MVB12B: variants seen among roughly 807,000 people sequenced by gnomAD.
The protein encoded by MVB12B is ESCRT-I complex subunit MVB12B.
Under a neutral mutation model 41.6 loss-of-function variants are expected in MVB12B, and 16 were observed. The observed-to-expected ratio is 0.38, with a 90% confidence interval of 0.26 to 0.58. MVB12B has a LOEUF of 0.58. Ranked by LOEUF, MVB12B falls within the 20% of genes least tolerant of loss-of-function variation. MVB12B has a pLI of 0.62. For synonymous variants in MVB12B, 133 were observed against 139.7 expected, an observed-to-expected ratio of 0.95 and a Z score of 0.34; for missense variants, 274 against 380.2, an observed-to-expected ratio of 0.72 and a Z score of 2.32.
chr9:126,474,355 T>G (rs1052141666), intron 7 of MVB12B, among the ~76,000 whole-genome samples: 1 of 152,240 alleles, frequency 6.6e-6, no homozygotes, highest in African/African-American at 2.4e-5. Context: ...GAAGTAAACG[T>G]GGCTCCCCAG....
At chr9:126,462,966 G>T (rs1454626939) in intron 7 of MVB12B, among the ~76,000 whole-genome samples, 1 of 152,216 alleles carries the variant, frequency 6.6e-6, no homozygotes, top group African/African-American at 2.4e-5. Context: ...CATAGACACA[G>T]CAACCAGACA....
rs564999868 is a variant in MVB12B, at chr9:126,486,595, G to C, written c.873+2563G>C. Among the ~76,000 whole-genome samples the C allele has an allele frequency of 6.6e-6, 1 of 152,210 alleles. No homozygotes were observed. Among genetic ancestry groups the C allele is most frequent in the Non-Finnish European group, 1.5e-5 (1 of 68,034 alleles). ...TCAGCGTCGAGCCATCTCCCCTCCC[G>C]TTCTGCTCCGGCCTGCCTGTGGGCC... On this transcript the variant is annotated intron_variant, in intron 9 of 9. Transcript: ENST00000361171. This position sits in a 1 kb window ranked among gnomAD's most constrained non-coding sequence, Gnocchi z 4.7.
Position 126,478,771 on chromosome 9 carries a change from C to T in MVB12B, c.758-2598C>T, listed in dbSNP as rs981730094. Among the ~76,000 whole-genome samples, 2 of 152,144 alleles carry T rather than the reference C, an allele frequency of 1.3e-5. No homozygotes were observed. Among genetic ancestry groups the T allele is most frequent in the Non-Finnish European group, 2.9e-5 (2 of 68,036 alleles). On this transcript the variant is annotated intron_variant, in intron 7 of 9. Transcript: ENST00000361171. The surrounding 1 kb of genome is among the most constrained non-coding windows in gnomAD (Gnocchi z 4.2). ...CCTCTCTGCCACCCCCAGTACTTCT[C>T]AGCCCCCTCAGTTCCTGATGTAATC...
intron 5 of MVB12B, among the ~76,000 whole-genome samples, chr9:126,394,711 A>G (rs1232866650): frequency 6.6e-6 from 1 of 152,214 alleles, no homozygotes; most frequent in Non-Finnish European, 1.5e-5. Context: ...CACTCATCTA[A>G]GAAGACAGGA....
intron 1 of MVB12B, among the ~76,000 whole-genome samples, chr9:126,334,026 CA>C (rs1178973009): frequency 1.3e-5 from 2 of 152,178 alleles, no homozygotes; most frequent in Admixed American, 1.3e-4. Context: ...ATCAGTATCT[CA>C]GGGGGTGGGG....
chr9:126,410,949 G>A (rs1345463498), intron 6 of MVB12B, among the ~76,000 whole-genome samples: 6 of 150,272 alleles, frequency 4.0e-5, no homozygotes, highest in African/African-American at 1.5e-4. Flanking sequence ...GTGCAATGGC[G>A]TGATCTCTGC....
chr9:126,496,424 A>C, intron 9 of MVB12B, among the ~76,000 whole-genome samples: 1 of 119,826 alleles, frequency 8.3e-6, no homozygotes, highest in Non-Finnish European at 1.7e-5. Flanking sequence ...CCACCCATTC[A>C]TCTACTCACC....
intron 2 of MVB12B, among the ~76,000 whole-genome samples, chr9:126,358,474 T>A (rs1829943047): frequency 6.6e-6 from 1 of 152,210 alleles, no homozygotes; most frequent in African/African-American, 2.4e-5. Context: ...ATGTAAGTCC[T>A]CTTTAATTTC....
At chr9:126,479,853 G>A (rs1362832835) in intron 7 of MVB12B, among the ~76,000 whole-genome samples, 2 of 152,222 alleles carry the variant, frequency 1.3e-5, no homozygotes, top group East Asian at 1.9e-4. Context: ...GTTCTATGAT[G>A]TTTTATCCCT....
At chr9:126,421,719 A>G (rs923277421) in intron 6 of MVB12B, 135 bp from the exon 7 acceptor site, 1 of 693,406 alleles carries the variant, frequency 1.4e-6, no homozygotes, top group African/African-American at 1.8e-5. Flanking sequence ...CTTGATTGAG[A>G]AGGAGGCGCT....
chr9:126,473,975 G>C lies in MVB12B; in HGVS notation c.758-7394G>C, dbSNP rs1379958519. Among the ~76,000 whole-genome samples, 1 of 152,162 alleles carries C rather than the reference G, an allele frequency of 6.6e-6. No homozygotes were observed. Among genetic ancestry groups the C allele is most frequent in the East Asian group, 1.9e-4 (1 of 5,188 alleles). On this transcript the variant is annotated intron_variant, in intron 7 of 9. Transcript: ENST00000361171. This position sits in a 1 kb window ranked among gnomAD's most constrained non-coding sequence, Gnocchi z 4.0. ...TTTACCTCCCAGGTTTGTTGGGGGT[G>C]GGGGGCTTTGTCATGGCACACTGAG...
chr9:126,487,432 C>T (rs984384077), intron 9 of MVB12B, among the ~76,000 whole-genome samples: 1 of 152,328 alleles, frequency 6.6e-6, no homozygotes, highest in African/African-American at 2.4e-5. Context: ...CCAAGGTCAG[C>T]TGTATTTCTT....
intron 4 of MVB12B, among the ~76,000 whole-genome samples, chr9:126,387,849 G>A (rs1329191566): frequency 6.6e-6 from 1 of 152,074 alleles, no homozygotes. Flanking sequence ...CACTCCTTAG[G>A]GATTAAAGAA....
At chr9:126,471,974 T>G (rs77293899) in intron 7 of MVB12B, among the ~76,000 whole-genome samples, 26 of 60,524 alleles carry the variant, frequency 4.3e-4, no homozygotes, top group East Asian at 1.2e-3. Context: ...ATAGAGTCTG[T>G]TTTTTTTTTT....
chr9:126,448,770 A>G (rs1832839471), intron 7 of MVB12B, among the ~76,000 whole-genome samples: 1 of 152,180 alleles, frequency 6.6e-6, no homozygotes, highest in African/African-American at 2.4e-5. Flanking sequence ...TACCAAGGGG[A>G]TGGTGCTGAA....
chr9:126,396,675 A>T (rs760993647), intron 6 of MVB12B: 4 of 985,474 alleles, frequency 4.1e-6, no homozygotes, highest in Non-Finnish European at 4.8e-6. Context: ...CAAAGCCCTG[A>T]GGACTCTGTC....
chr9:126,379,598 A>G (rs1037556564), intron 2 of MVB12B, among the ~76,000 whole-genome samples: 2 of 152,208 alleles, frequency 1.3e-5, no homozygotes, highest in Non-Finnish European at 1.5e-5. Flanking sequence ...TTCAGGTCAA[A>G]TATATTTGCA....
chr9:126,469,388 T>C (rs1236763699), intron 7 of MVB12B, among the ~76,000 whole-genome samples: 1 of 152,232 alleles, frequency 6.6e-6, no homozygotes, highest in East Asian at 1.9e-4. Context: ...AATATATTCA[T>C]GTGCTGAAGT....
intron 1 of MVB12B, among the ~76,000 whole-genome samples, chr9:126,334,201 G>A (rs1829215611): frequency 6.6e-6 from 1 of 152,164 alleles, no homozygotes; most frequent in African/African-American, 2.4e-5. Flanking sequence ...CACGCGCCAG[G>A]CCCTCTTAGA....
Sources: gnomAD v4.1 joint callset for allele counts (sites outside exome capture counted in the v4.1 genomes callset) on GRCh38, gnomAD v4.1.1 for gene constraint, Gnocchi (gnomAD v3.1) non-coding constraint, MANE v1.5 for transcripts, NCBI Gene and HGNC (gene_info 2026-07-23, HGNC 2026-07-21) for gene names.